Variants in MGST1 observed in about 807,000 individuals in gnomAD.
MGST1 encodes glutathione S-transferase 12.
MGST1 carries 5 observed loss-of-function variants against 8.9 expected under a neutral mutation model. That is an observed-to-expected ratio of 0.56 (90% confidence interval 0.29 to 1.19). The LOEUF (loss-of-function observed/expected upper bound fraction) is 1.19. Among genes scored for constraint, MGST1 ranks in the 50% most tolerant of loss-of-function variants. The pLI, the probability that MGST1 is intolerant of heterozygous loss-of-function variation, is 0.08. For missense variants in MGST1, 182 were observed against 187.4 expected (o/e 0.97, Z 0.17); for synonymous variants, 54 against 67.8 (o/e 0.80, Z 1.00).
chr12:16,414,732 A>C (rs1188642466), intron 1 of MGST1, among the ~76,000 whole-genome samples: 3 of 152,108 alleles, frequency 2.0e-5, no homozygotes, highest in Non-Finnish European at 4.4e-5. Context: ...TTATTTTAAA[A>C]ATATTTTCAG....
rs1299062536 is a variant in MGST1 at position 16,478,641 on chromosome 12, C to T, written n.482+95037C>T. On this transcript the variant is annotated intron_variant and non_coding_transcript_variant, in intron 4 of 4. Coordinates refer to the MGST1 transcript ENST00000538857. ...ATTTTGGTGAATTTTTTTTTAATTT[C>T]AGAAAGTGGGAGGACATTATATACA... 2.6e-5 allele frequency among the ~76,000 whole-genome samples: 4 copies of T among 151,470 alleles called. 1 individual carries two copies. In the East Asian group the frequency reaches 7.7e-4, roughly 29 times the overall value.
At chr12:16,505,879 C>T (rs1397589461) in intron 4 of MGST1, among the ~76,000 whole-genome samples, 1 of 152,154 alleles carries the variant, frequency 6.6e-6, no homozygotes. Context: ...GGGCAGGAAA[C>T]AGCCCAGAGG....
chr12:16,482,327 C>A lies in MGST1; in HGVS notation n.482+98723C>A, dbSNP rs1381523551. Reference sequence around the variant, plus strand: ...GAGAAAAAGAAAAGGAATGTTTGATCTGAAGTATAAAAAAAAGAGCAAGGG... The same window carrying A: ...GAGAAAAAGAAAAGGAATGTTTGATATGAAGTATAAAAAAAAGAGCAAGGG... On this transcript the variant is annotated intron_variant and non_coding_transcript_variant, in intron 4 of 4. Coordinates refer to the MGST1 transcript ENST00000538857. The surrounding 1 kb of genome is among the most constrained non-coding windows in gnomAD (Gnocchi z 4.2). 6.6e-6 allele frequency among the ~76,000 whole-genome samples: 1 copy of A among 151,924 alleles called. No homozygotes were observed. The highest frequency in any genetic ancestry group is 1.5e-5 in the Non-Finnish European group (1 of 67,958).
In MGST1 at chr12:16,449,600, C is replaced by T. The variant is rs540789851; in HGVS notation, n.482+65996C>T. On this transcript the variant is annotated intron_variant and non_coding_transcript_variant, in intron 4 of 4. Coordinates refer to the MGST1 transcript ENST00000538857. ...CTGCCTGTCTGTGACATAATAAATG[C>T]TCCATGTCATTGTTCATCAAAACAG... Among the ~76,000 whole-genome samples, 15 of 152,002 alleles carry T rather than the reference C, an allele frequency of 9.9e-5. 1 individual carries two copies. The South Asian group carries it at 2.9e-3, about 29-fold the overall frequency.
chr12:16,405,470 T>C (rs1940691856), intron 1 of MGST1, among the ~76,000 whole-genome samples: 1 of 152,066 alleles, frequency 6.6e-6, no homozygotes, highest in Admixed American at 6.6e-5. Flanking sequence ...GATTCATAGC[T>C]AAATTCTACC....
intron 4 of MGST1, among the ~76,000 whole-genome samples, chr12:16,463,378 G>T (rs1336174024): frequency 7.0e-6 from 1 of 143,356 alleles, no homozygotes; most frequent in Non-Finnish European, 1.5e-5. Flanking sequence ...AAAGAGATTG[G>T]CAATAATTTT....
rs1263488596 is a variant in MGST1, at chr12:16,410,873, C to G, written n.779-26515C>G. On this transcript the variant is annotated intron_variant and non_coding_transcript_variant, in intron 1 of 1. Transcript: ENST00000359720. The surrounding 1 kb of genome is among the most constrained non-coding windows in gnomAD (Gnocchi z 4.4). ...GACTCCATTTTTTCCCAAGATGTTC[C>G]AGAATCACTATTTCTCTTGCTTTTG... 1.3e-5 allele frequency among the ~76,000 whole-genome samples: 2 copies of G among 151,948 alleles called. No individual in the cohort carries two copies. The highest frequency in any genetic ancestry group is 2.4e-5 in the African/African-American group (1 of 41,380).
At chr12:16,477,012 A>G (rs1941328138) in intron 4 of MGST1, among the ~76,000 whole-genome samples, 2 of 152,172 alleles carry the variant, frequency 1.3e-5, no homozygotes, top group South Asian at 4.1e-4. Context: ...ATGAGAATAT[A>G]TATTTGTCTA....
At chr12:16,451,241 A>G (rs1941126016) in intron 4 of MGST1, among the ~76,000 whole-genome samples, 1 of 151,894 alleles carries the variant, frequency 6.6e-6, no homozygotes, top group African/African-American at 2.4e-5. Flanking sequence ...TTCAGTATAG[A>G]TTCAAGACTA....
chr12:16,586,753 G>T lies in MGST1; in HGVS notation n.483-2775G>T, dbSNP rs187535000. 2.0e-5 allele frequency among the ~76,000 whole-genome samples: 3 copies of T among 152,274 alleles called. No individual in the cohort carries two copies. Among genetic ancestry groups the T allele is most frequent in the Non-Finnish European group, 4.4e-5 (3 of 68,012 alleles). ...TCCATTTCTCTGGTACTTGAGCTAA[G>T]CTCCTGTGGCTCAGATTATTTATTG... On this transcript the variant is annotated intron_variant and non_coding_transcript_variant, in intron 4 of 4. Coordinates refer to the MGST1 transcript ENST00000538857. The surrounding 1 kb of genome is among the most constrained non-coding windows in gnomAD (Gnocchi z 4.3).
intron 4 of MGST1, among the ~76,000 whole-genome samples, chr12:16,539,985 A>G (rs1941783202): frequency 6.6e-6 from 1 of 152,168 alleles, no homozygotes; most frequent in African/African-American, 2.4e-5. Flanking sequence ...GTTTGGAATG[A>G]CTTTCCTTCC....
rs1229908242 is a variant in MGST1, at chr12:16,500,186, C to T, written n.483-89342C>T. Among the ~76,000 whole-genome samples the T allele has an allele frequency of 3.3e-5, 5 of 151,884 alleles. No individual in the cohort carries two copies. The highest frequency in any genetic ancestry group is 5.9e-5 in the Non-Finnish European group (4 of 67,966). ...ACTTTTCTTCTATCTTAAGACTGTA[C>T]TTTCCACTTAATCTTCTAGCAGGTG... On this transcript the variant is annotated intron_variant and non_coding_transcript_variant, in intron 4 of 4. Coordinates refer to the MGST1 transcript ENST00000538857. This position sits in a 1 kb window ranked among gnomAD's most constrained non-coding sequence, Gnocchi z 4.3.
chr12:16,566,359 A>C (rs1377436120), intron 4 of MGST1, among the ~76,000 whole-genome samples: 2 of 151,982 alleles, frequency 1.3e-5, no homozygotes, highest in Non-Finnish European at 2.9e-5. Context: ...TATGGGCAAC[A>C]GTAAATTACT....
intron 1 of MGST1, among the ~76,000 whole-genome samples, chr12:16,414,404 T>A (rs1036368339): frequency 6.7e-6 from 1 of 149,098 alleles, no homozygotes; most frequent in Admixed American, 6.6e-5. Flanking sequence ...TATTTTTTTT[T>A]TTATTTTTTA....
At chr12:16,416,994 A>C (rs950690029) in intron 1 of MGST1, among the ~76,000 whole-genome samples, 2 of 152,144 alleles carry the variant, frequency 1.3e-5, no homozygotes, top group African/African-American at 4.8e-5. Context: ...TTAGCCTTCA[A>C]TTCCTGTATG....
rs1170788002 is a variant in MGST1 at position 16,462,329 on chromosome 12, A to AAGATG, written n.482+78727_482+78731dup. 2.6e-5 allele frequency among the ~76,000 whole-genome samples: 4 copies of AAGATG among 152,154 alleles called. No individual in the cohort carries two copies. In the East Asian group the frequency reaches 7.7e-4, roughly 29 times the overall value. ...AAACAGATGAGAAATTTCAAGTAAA[A>AAGATG]AGATGACTTTCATAAGGTTATAATA... On this transcript the variant is annotated intron_variant and non_coding_transcript_variant, in intron 4 of 4. Coordinates refer to the MGST1 transcript ENST00000538857.
intron 4 of MGST1, among the ~76,000 whole-genome samples, chr12:16,532,777 G>A (rs1443155644): frequency 6.6e-6 from 1 of 152,006 alleles, no homozygotes; most frequent in Non-Finnish European, 1.5e-5. Context: ...CAAATCTGCT[G>A]TTTCATGTAA....
chr12:16,364,463 A>G (rs1464343978), downstream of MGST1: 1 of 927,654 alleles, frequency 1.1e-6, no homozygotes, highest in Non-Finnish European at 1.3e-6. This position sits in a 1 kb window ranked among gnomAD's most constrained non-coding sequence, Gnocchi z 5.7. Flanking sequence ...TTTCAAACCT[A>G]GGGTAAAGTT....
At chr12:16,354,014 C>T (rs555375088) in intron 1 of MGST1, among the ~76,000 whole-genome samples, 19 of 152,186 alleles carry the variant, frequency 1.2e-4, no homozygotes, top group African/African-American at 4.3e-4. Flanking sequence ...CCAGCCTCGG[C>T]CTCCCAAAGT....
Sources: allele counts gnomAD v4.1 joint callset (sites outside exome capture counted in the v4.1 genomes callset), GRCh38; gene constraint gnomAD v4.1.1; non-coding constraint Gnocchi (gnomAD v3.1); transcripts MANE v1.5; gene names NCBI Gene and HGNC (gene_info 2026-07-23, HGNC 2026-07-21).